RDH10: variants seen among roughly 807,000 people sequenced by gnomAD.
The protein encoded by RDH10 is retinol dehydrogenase 10.
In RDH10, 12 loss-of-function variants were observed where a neutral mutation model predicts 30.2. That is an observed-to-expected ratio of 0.40 (90% CI 0.25 to 0.64). RDH10 has a LOEUF of 0.64. RDH10 is among the 30% of genes least tolerant of loss of function. The pLI is 0.43. For synonymous variants in RDH10, 189 were observed against 172.2 expected (o/e 1.10, Z -0.76); for missense variants, 268 against 445.2 (o/e 0.60, Z 3.58).
chr8:73,314,074 CAAAGTT>C lies in RDH10; in HGVS notation c.526-5017_526-5012del, dbSNP rs1204773315. Reference sequence around the variant, plus strand: ...ATGTTCTTCTGACGACTCTTTGAGACAAAGTTAAAGATTATGAACCTTAGCTTGAAC... The same window carrying C: ...ATGTTCTTCTGACGACTCTTTGAGACAAAGATTATGAACCTTAGCTTGAAC... On this transcript the variant is annotated intron_variant, in intron 2 of 5. Coordinates refer to ENST00000240285, the MANE Select transcript of RDH10 (RefSeq NM_172037.5). Among the ~76,000 whole-genome samples the C allele has an allele frequency of 7.2e-5, 11 of 152,322 alleles. No individual in the cohort carries two copies. In the East Asian group the frequency reaches 1.9e-3, roughly 27 times the overall value.
chr8:73,296,660 C>T (rs1040166915), intron 1 of RDH10, among the ~76,000 whole-genome samples: 1 of 152,168 alleles, frequency 6.6e-6, no homozygotes, highest in Non-Finnish European at 1.5e-5. Flanking sequence ...TTAGAACAAG[C>T]CAGTGATCCC....
At chr8:73,303,209 A>G (rs1333661224) in intron 2 of RDH10, among the ~76,000 whole-genome samples, 1 of 152,238 alleles carries the variant, frequency 6.6e-6, no homozygotes, top group Non-Finnish European at 1.5e-5. Flanking sequence ...GATCTGAGTA[A>G]TGTAGCACTT....
intron 2 of RDH10, chr8:73,297,651 G>A: frequency 2.1e-6 from 1 of 486,130 alleles, no homozygotes; most frequent in Non-Finnish European, 3.7e-6. Context: ...TGAGAGGGCA[G>A]AGGATTGAAC....
At chr8:73,311,617 C>A (rs960692422) in intron 2 of RDH10, 3 of 152,158 alleles carry the variant, frequency 2.0e-5, no homozygotes, top group Non-Finnish European at 2.9e-5. Flanking sequence ...CTAATCCCTG[C>A]GGCCTCACAA....
chr8:73,297,050 C>T, intron 1 of RDH10, 144 bp from the exon 2 acceptor site: 2 of 632,654 alleles, frequency 3.2e-6, no homozygotes, highest in East Asian at 5.5e-5. Context: ...CAGTCGTTGG[C>T]AAGCCTTGCA....
At chr8:73,318,281 T>G (rs1814709262) in intron 2 of RDH10, among the ~76,000 whole-genome samples, 2 of 152,152 alleles carry the variant, frequency 1.3e-5, no homozygotes, top group African/African-American at 4.8e-5. Context: ...AGAAAAGAGT[T>G]TAGTGAGTAA....
Position 73,320,926 on chromosome 8 carries a change from A to C in RDH10, c.625-6A>C, listed in dbSNP as rs1366306125. The C allele has an allele frequency of 6.2e-7, 1 of 1,613,728 alleles. No individual in the cohort carries two copies. ...GTATTTCTGCTTTCTCCCCTCTTTA[A>C]CTCAGGATTACTGTGCCAGTAAATT... On this transcript the variant is annotated splice_region_variant and splice_polypyrimidine_tract_variant and intron_variant, in intron 3 of 5. Transcript: ENST00000240285.
intron 2 of RDH10, among the ~76,000 whole-genome samples, chr8:73,301,901 G>A (rs945750340): frequency 7.2e-5 from 11 of 152,164 alleles, no homozygotes; most frequent in Non-Finnish European, 1.5e-4. Context: ...CATGTGTTCT[G>A]ATTTTTACTA....
intron 2 of RDH10, among the ~76,000 whole-genome samples, chr8:73,306,294 A>G (rs752580564): frequency 1.3e-5 from 2 of 152,234 alleles, no homozygotes; most frequent in African/African-American, 2.4e-5. Context: ...ATGCGAGGGG[A>G]CGCAAACCTT....
rs1364543366 is a variant in RDH10 at position 73,324,739 on chromosome 8, G to A, written c.*1703G>A. Reference sequence around the variant, plus strand: ...CAAATAGCCGATGTTACTGTCCCTAGATTAGAGACTTGATTAAGGGCTTGT... The same window carrying A: ...CAAATAGCCGATGTTACTGTCCCTAAATTAGAGACTTGATTAAGGGCTTGT... On this transcript the variant is annotated 3_prime_UTR_variant, in exon 6 of 6. Transcript: ENST00000240285. 1 of 152,184 alleles carries A rather than the reference G, an allele frequency of 6.6e-6. No homozygotes were observed. Among genetic ancestry groups the A allele is most frequent in the Non-Finnish European group, 1.5e-5 (1 of 68,036 alleles). 9.4% of individuals were successfully genotyped at this position (152,184 alleles called of 1,614,324 possible).
rs535901621 is a variant in RDH10, at chr8:73,297,875, C to G, written c.525+446C>G. 4 of 201,826 alleles carry G rather than the reference C, an allele frequency of 2.0e-5. No homozygotes were observed. The East Asian group carries it at 4.5e-4, about 23-fold the overall frequency. 12.5% of individuals were successfully genotyped at this position (201,826 alleles called of 1,614,324 possible). A position where few individuals can be genotyped will look rare whatever the true frequency, so the allele number is the denominator to read the frequency against. ...ACATTTGTGGTCTGTTGGGAGTGCC[C>G]AGGCCACCCTGGCAGTTACTTCGCA... On this transcript the variant is annotated intron_variant, in intron 2 of 5. Coordinates refer to ENST00000240285, the MANE Select transcript of RDH10 (RefSeq NM_172037.5).
intron 4 of RDH10, 24 bp from the exon 5 acceptor site, chr8:73,322,655 T>C: frequency 6.3e-7 from 1 of 1,590,686 alleles, no homozygotes; most frequent in Non-Finnish European, 8.6e-7. Context: ...TTTTTCATTT[T>C]GTTTTTGAAT....
chr8:73,307,143 A>C (rs941350069), intron 2 of RDH10, among the ~76,000 whole-genome samples: 1 of 152,238 alleles, frequency 6.6e-6, no homozygotes. Flanking sequence ...TACTTATAAC[A>C]GTCGTTTTTT....
At chr8:73,300,275 A>G (rs1814352636) in intron 2 of RDH10, 1 of 152,268 alleles carries the variant, frequency 6.6e-6, no homozygotes, top group South Asian at 2.1e-4. Flanking sequence ...AATTTAAAGG[A>G]AAATTCAGTA....
chr8:73,296,403 A>C (rs1421216996), intron 1 of RDH10, among the ~76,000 whole-genome samples: 3 of 152,134 alleles, frequency 2.0e-5, no homozygotes, highest in Non-Finnish European at 2.9e-5. Flanking sequence ...CTGTATTGAT[A>C]ATTTATCATC....
intron 2 of RDH10, among the ~76,000 whole-genome samples, chr8:73,310,210 C>T (rs1814539816): frequency 6.6e-6 from 1 of 152,136 alleles, no homozygotes; most frequent in Non-Finnish European, 1.5e-5. Flanking sequence ...TTTAACAATG[C>T]CTATCCCAAT....
In RDH10 at chr8:73,297,346, G is replaced by A. The variant is rs1814285888; in HGVS notation, c.442G>A (p.Val148Met). ...EVSVLVNNAGVVSGHHLLECP... is the reference protein window; with the variant it reads ...EVSVLVNNAGMVSGHHLLECP... The stretch of plus-strand genomic sequence containing the variant: ...CTCAGTCCTGGTCAATAATGCTGGT[G>A]TGGTCTCTGGGCATCACCTTCTGGA... The change falls in exon 2 of 6, where the codon GTG becomes ATG. Residue 148 changes from valine (V) to methionine (M), a missense_variant. Coordinates refer to ENST00000240285, the MANE Select transcript of RDH10 (RefSeq NM_172037.5). 3.1e-6 allele frequency: 5 copies of A among 1,614,090 alleles called. No homozygotes were observed. The highest frequency in any genetic ancestry group is 4.2e-6 in the Non-Finnish European group (5 of 1,180,006).
chr8:73,308,640 G>A (rs561682423), intron 2 of RDH10, among the ~76,000 whole-genome samples: 1 of 152,286 alleles, frequency 6.6e-6, no homozygotes, highest in South Asian at 2.1e-4. Flanking sequence ...ATGGGATTGG[G>A]TGGCTTGCTA....
chr8:73,297,057 T>G (rs1814280390), intron 1 of RDH10, 137 bp from the exon 2 acceptor site: 2 of 649,434 alleles, frequency 3.1e-6, no homozygotes, highest in Non-Finnish European at 5.7e-6. Context: ...TGGCAAGCCT[T>G]GCAGCGTTAG....
Sources: allele counts gnomAD v4.1 joint callset (sites outside exome capture counted in the v4.1 genomes callset), GRCh38; gene constraint gnomAD v4.1.1; transcripts MANE v1.5; gene names NCBI Gene and HGNC (gene_info 2026-07-23, HGNC 2026-07-21).